Variants in RGS20 observed in about 807,000 individuals in gnomAD.
RGS20 encodes the protein regulator of G protein signaling 20.
RGS20 carries 30 observed loss-of-function variants against 33.6 expected under a neutral mutation model. The ratio of observed to expected loss-of-function variants is 0.89; its 90% confidence interval spans 0.67 to 1.21. RGS20 has a LOEUF of 1.21. RGS20 is among the 50% of genes most tolerant of loss of function. The pLI, the probability that RGS20 is intolerant of heterozygous loss-of-function variation, is 0.00. For missense variants in RGS20, 472 were observed against 502.4 expected, an observed-to-expected ratio of 0.94 and a Z score of 0.58; for synonymous variants, 208 against 197.9, an observed-to-expected ratio of 1.05 and a Z score of -0.43.
intron 4 of RGS20, among the ~76,000 whole-genome samples, chr8:53,952,110 C>T (rs960609018): frequency 1.4e-4 from 20 of 145,404 alleles, no homozygotes; most frequent in African/African-American, 4.3e-4. Context: ...CAGAGTCTTA[C>T]TCTGTCACCC....
rs760802559 is a variant in RGS20 at position 53,851,851 on chromosome 8, T to C, written c.-49T>C. On this transcript the variant is annotated 5_prime_UTR_variant, in exon 1 of 6. Coordinates refer to ENST00000297313, the MANE Select transcript of RGS20 (RefSeq NM_170587.4). Reference sequence around the variant, plus strand: ...AAGCAGAGTGGATCCTGTGCTAATATTGGGAAAACCAGGCAACAGGACTCA... The same window carrying C: ...AAGCAGAGTGGATCCTGTGCTAATACTGGGAAAACCAGGCAACAGGACTCA... The C allele has an allele frequency of 1.3e-4, 204 of 1,592,296 alleles. 1 individual carries two copies. The highest frequency in any genetic ancestry group is 1.7e-4 in the Non-Finnish European group (197 of 1,167,302).
rs536323934 is a variant in RGS20, at chr8:53,878,701, A to C, written c.166-557A>C. Among the ~76,000 whole-genome samples, 4 of 150,994 alleles carry C rather than the reference A, an allele frequency of 2.6e-5. No homozygotes were observed. In the East Asian group the frequency reaches 7.8e-4, roughly 29 times the overall value. On this transcript the variant is annotated intron_variant, in intron 1 of 5. Coordinates refer to ENST00000297313, the MANE Select transcript of RGS20 (RefSeq NM_170587.4). ...TCAGCCACCTTCAGCCACTATCTGG[A>C]CCTTCCATAGACAACAATCCCAATA... is the stretch of plus-strand genomic sequence containing the variant.
intron 2 of RGS20, among the ~76,000 whole-genome samples, chr8:53,920,854 G>T (rs1435077488): frequency 2.0e-5 from 3 of 152,172 alleles, no homozygotes; most frequent in Non-Finnish European, 2.9e-5. Flanking sequence ...CAGTTCCTGG[G>T]CTCAAGCGAT....
Position 53,879,581 on chromosome 8 carries a change from T to C in RGS20, c.489T>C (p.Ala163=). 6.6e-7 allele frequency: 1 copy of C among 1,525,764 alleles called. No homozygotes were observed. The highest frequency in any genetic ancestry group is 8.8e-7 in the Non-Finnish European group (1 of 1,138,276). 94.5% of individuals were successfully genotyped at this position (1,525,764 alleles called of 1,614,324 possible). A position where few individuals can be genotyped will look rare whatever the true frequency, so the allele number is the denominator to read the frequency against. Reference sequence around the variant, plus strand: ...AGCCCAGGGAAGAAGACGCCACCGCTGGGCAGAGCTCGCCTATGCCGGTGA... The same window carrying C: ...AGCCCAGGGAAGAAGACGCCACCGCCGGGCAGAGCTCGCCTATGCCGGTGA... The change falls in exon 2 of 6, where the codon GCT becomes GCC. Residue 163 remains alanine (A), a synonymous_variant. Transcript: ENST00000297313.
chr8:53,933,374 G>A (rs952858983), intron 2 of RGS20, among the ~76,000 whole-genome samples: 4 of 152,076 alleles, frequency 2.6e-5, no homozygotes, highest in Non-Finnish European at 4.4e-5. Flanking sequence ...AAAGATTAGA[G>A]GAATTGCTAT....
At chr8:53,929,946 C>G (rs1388313715) in intron 2 of RGS20, among the ~76,000 whole-genome samples, 1 of 152,158 alleles carries the variant, frequency 6.6e-6, no homozygotes, top group Non-Finnish European at 1.5e-5. Context: ...GCCTGCTTAA[C>G]TTGAAATGTT....
intron 2 of RGS20, among the ~76,000 whole-genome samples, chr8:53,895,340 G>A (rs1486117454): frequency 6.6e-6 from 1 of 152,214 alleles, no homozygotes; most frequent in Admixed American, 6.5e-5. Flanking sequence ...GGTTGGATCT[G>A]TGTGTATGGC....
At chr8:53,886,152 A>G (rs538463037) in intron 2 of RGS20, among the ~76,000 whole-genome samples, 5 of 152,288 alleles carry the variant, frequency 3.3e-5, no homozygotes, top group East Asian at 3.9e-4. Flanking sequence ...ATTTAGTACA[A>G]TAAGTGGGAG....
rs566169672 is a variant in RGS20, at chr8:53,932,449, G to A, written c.511-7127G>A. Among the ~76,000 whole-genome samples, 20 of 152,198 alleles carry A rather than the reference G, an allele frequency of 1.3e-4. No individual in the cohort carries two copies. The South Asian group carries it at 2.3e-3, about 17-fold the overall frequency. ...GCTTAAGCTTGATAGGGGGAGGGGCGTCCACCATTAATGAGGCTTGAGTAG... is the reference window on the plus strand; with the variant it reads ...GCTTAAGCTTGATAGGGGGAGGGGCATCCACCATTAATGAGGCTTGAGTAG... On this transcript the variant is annotated intron_variant, in intron 2 of 5. Transcript: ENST00000297313.
chr8:53,881,229 C>G, intron 2 of RGS20, 145 bp downstream of exon 1: 3 of 584,834 alleles, frequency 5.1e-6, no homozygotes, highest in Non-Finnish European at 8.3e-6. Flanking sequence ...GGAGCCGGTG[C>G]GAGTCGGGGG....
intron 3 of RGS20, 111 bp downstream of exon 2, chr8:53,939,835 A>G: frequency 7.6e-7 from 1 of 1,319,364 alleles, no homozygotes; most frequent in Non-Finnish European, 1.0e-6. Flanking sequence ...TAATTCAATA[A>G]GTGTTTTTTA....
intron 4 of RGS20, among the ~76,000 whole-genome samples, chr8:53,951,545 TA>T (rs1814708292): frequency 6.6e-6 from 1 of 152,068 alleles, no homozygotes; most frequent in Non-Finnish European, 1.5e-5. Flanking sequence ...AAGCTATATT[TA>T]TTGGTCATTT....
intron 2 of RGS20, among the ~76,000 whole-genome samples, chr8:53,896,883 G>A (rs1472894124): frequency 1.3e-5 from 2 of 152,192 alleles, no homozygotes; most frequent in Non-Finnish European, 2.9e-5. Context: ...ATTACTTACA[G>A]CTTGAAAGCT....
chr8:53,874,658 T>C (rs746938455), intron 1 of RGS20, among the ~76,000 whole-genome samples: 2 of 152,244 alleles, frequency 1.3e-5, no homozygotes, highest in African/African-American at 2.4e-5. Flanking sequence ...ATCTACTCCA[T>C]GCCTCTTCTT....
At chr8:53,886,411 A>G (rs1812549665) in intron 2 of RGS20, among the ~76,000 whole-genome samples, 1 of 152,142 alleles carries the variant, frequency 6.6e-6, no homozygotes, top group Admixed American at 6.5e-5. Flanking sequence ...TTGCATAGGG[A>G]ATCACTTGTG....
intron 2 of RGS20, among the ~76,000 whole-genome samples, chr8:53,931,681 G>C (rs745314842): frequency 6.6e-6 from 1 of 152,166 alleles, no homozygotes; most frequent in Non-Finnish European, 1.5e-5. Context: ...GGTGACTTCT[G>C]CATTTCCAAC....
intron 1 of RGS20, among the ~76,000 whole-genome samples, chr8:53,853,255 G>A (rs990843340): frequency 3.3e-5 from 5 of 152,198 alleles, no homozygotes; most frequent in African/African-American, 1.2e-4. Flanking sequence ...TGTTGTATAT[G>A]TGTGTATGTA....
rs111619495 is a variant in RGS20, at chr8:53,861,488, A to C, written c.165+9424A>C. Among the ~76,000 whole-genome samples the C allele has an allele frequency of 2.8e-3, 433 of 152,362 alleles. 2 individuals carry two copies. Among genetic ancestry groups the C allele is most frequent in the African/African-American group, 9.4e-3 (389 of 41,592 alleles). The stretch of plus-strand genomic sequence containing the variant: ...AAAATATGACCAAATGAAATGAATA[A>C]AACATTACTTGAAAGAAATGATCAA... On this transcript the variant is annotated intron_variant, in intron 1 of 5. Transcript: ENST00000297313.
chr8:53,866,861 C>G (rs1435849693), intron 1 of RGS20, among the ~76,000 whole-genome samples: 1 of 152,088 alleles, frequency 6.6e-6, no homozygotes, highest in Non-Finnish European at 1.5e-5. Flanking sequence ...GGCAGGTTGG[C>G]TCTCGCTGGG....
Sources: gnomAD v4.1 joint callset for allele counts (sites outside exome capture counted in the v4.1 genomes callset) on GRCh38, gnomAD v4.1.1 for gene constraint, MANE v1.5 for transcripts, NCBI Gene and HGNC (gene_info 2026-07-23, HGNC 2026-07-21) for gene names.